The following DGKB variants were observed in gnomAD, a reference collection of about 807,000 sequenced individuals.
DGKB encodes 90 kDa diacylglycerol kinase.
A neutral mutation model predicts 114.3 loss-of-function variants in DGKB; 67 were observed. The observed-to-expected ratio is 0.59, with a 90% CI of 0.48 to 0.72. The LOEUF (loss-of-function observed/expected upper bound fraction) is 0.72, where lower values mean the gene tolerates loss of function less well. DGKB is among the 30% of genes least tolerant of loss of function. The pLI is 0.00. For missense variants in DGKB, 907 were observed against 975.2 expected (o/e 0.93, Z 0.93); for synonymous variants, 398 against 323.1 (o/e 1.23, Z -2.49).
chr7:14,287,282 C>T (rs781252415), intron 23 of DGKB, among the ~76,000 whole-genome samples: 2 of 152,064 alleles, frequency 1.3e-5, no homozygotes, highest in Admixed American at 6.6e-5. Context: ...GATCCCTCTA[C>T]CATCTGTCCT....
upstream of DGKB, among the ~76,000 whole-genome samples, chr7:14,903,855 C>A (rs1439440033): frequency 6.6e-6 from 1 of 152,114 alleles, no homozygotes; most frequent in Admixed American, 6.5e-5. Flanking sequence ...AAGCAGTGTG[C>A]TTACCAGCTT....
chr7:14,191,766 C>T, intron 23 of DGKB: 1 of 336,334 alleles, frequency 3.0e-6, no homozygotes. Context: ...AATGACCCAC[C>T]AATGGAAACA....
At chr7:14,497,476 C>T (rs1193870767) in intron 20 of DGKB, among the ~76,000 whole-genome samples, 1 of 151,722 alleles carries the variant, frequency 6.6e-6, no homozygotes, top group Non-Finnish European at 1.5e-5. Context: ...AAGTCCATCC[C>T]CCCATATCAT....
intron 25 of DGKB, among the ~76,000 whole-genome samples, chr7:14,151,303 T>C (rs1476573811): frequency 1.3e-5 from 2 of 152,018 alleles, no homozygotes; most frequent in Non-Finnish European, 1.5e-5. Context: ...GAAAGAAATA[T>C]ATCTTCCTAG....
intron 23 of DGKB, among the ~76,000 whole-genome samples, chr7:14,298,171 C>A (rs1368992880): frequency 6.6e-6 from 1 of 152,178 alleles, no homozygotes; most frequent in Non-Finnish European, 1.5e-5. Context: ...CACCAAGCTA[C>A]CATTGACTTT....
At chr7:14,197,626 G>T (rs899461987) in intron 23 of DGKB, among the ~76,000 whole-genome samples, 1 of 152,112 alleles carries the variant, frequency 6.6e-6, no homozygotes, top group African/African-American at 2.4e-5. Flanking sequence ...GAATTTTAAT[G>T]TGTTTGGACT....
chr7:14,362,185 T>A (rs1300358030), intron 21 of DGKB, among the ~76,000 whole-genome samples: 1 of 152,088 alleles, frequency 6.6e-6, no homozygotes, highest in Non-Finnish European at 1.5e-5. Flanking sequence ...GGTGATCAAA[T>A]GTTCATAAAA....
At chr7:14,432,367 C>T (rs1031677447) in intron 21 of DGKB, among the ~76,000 whole-genome samples, 1 of 152,142 alleles carries the variant, frequency 6.6e-6, no homozygotes, top group Admixed American at 6.6e-5. Flanking sequence ...CATCATCACT[C>T]CCTCCGTGCA....
chr7:14,440,318 G>A (rs1829901959), intron 21 of DGKB, among the ~76,000 whole-genome samples: 1 of 152,074 alleles, frequency 6.6e-6, no homozygotes, highest in Non-Finnish European at 1.5e-5. Context: ...GCTTTCATGA[G>A]AACAGTTTGC....
chr7:14,180,400 T>C (rs969117041), intron 23 of DGKB, among the ~76,000 whole-genome samples: 2 of 152,196 alleles, frequency 1.3e-5, no homozygotes, highest in African/African-American at 4.8e-5. Flanking sequence ...TTTTAATTTG[T>C]CTTTGTTTTT....
intron 1 of DGKB, among the ~76,000 whole-genome samples, chr7:14,866,897 T>C (rs62451480): frequency 0.14 from 21,051 of 152,180 alleles, 1,521 homozygotes; most frequent in South Asian, 0.21. Context: ...CGTTTGATGT[T>C]GTCAGTGTTC....
At chr7:14,896,849 C>A (rs1265000398) in intron 1 of DGKB, among the ~76,000 whole-genome samples, 3 of 151,808 alleles carry the variant, frequency 2.0e-5, no homozygotes, top group African/African-American at 4.8e-5. Context: ...AATAAAACTT[C>A]TTTTCATATT....
intron 8 of DGKB, among the ~76,000 whole-genome samples, chr7:14,695,760 G>A (rs182211557): frequency 1.3e-5 from 2 of 151,816 alleles, no homozygotes; most frequent in African/African-American, 2.4e-5. Flanking sequence ...ACCTGCCTCG[G>A]CCTCCCAAAG....
chr7:14,809,276 C>T (rs920431073), intron 2 of DGKB, among the ~76,000 whole-genome samples: 3 of 152,068 alleles, frequency 2.0e-5, no homozygotes, highest in African/African-American at 7.2e-5. Flanking sequence ...AACTACTCAC[C>T]TGGTAGCACT....
At chr7:14,234,113 A>T (rs1414351794) in intron 23 of DGKB, among the ~76,000 whole-genome samples, 2 of 152,018 alleles carry the variant, frequency 1.3e-5, no homozygotes, top group East Asian at 3.9e-4. Flanking sequence ...CCTCCTTGGG[A>T]TGAAACTGTC....
At chr7:14,901,159 A>C (rs1782992452) in intron 1 of DGKB, among the ~76,000 whole-genome samples, 1 of 152,208 alleles carries the variant, frequency 6.6e-6, no homozygotes, top group African/African-American at 2.4e-5. Flanking sequence ...ACAATGCCAA[A>C]AAATATTAAG....
chr7:14,178,838 A>T (rs140616408), intron 23 of DGKB, among the ~76,000 whole-genome samples: 237 of 152,116 alleles, frequency 1.6e-3, no homozygotes, highest in African/African-American at 5.2e-3. Context: ...GAAGACATTA[A>T]AAAGGGGCTA....
chr7:14,350,502 G>A (rs1813251311), intron 21 of DGKB, among the ~76,000 whole-genome samples: 1 of 151,972 alleles, frequency 6.6e-6, no homozygotes, highest in Non-Finnish European at 1.5e-5. Context: ...GCAACATACA[G>A]AGGGCGATGA....
chr7:14,419,125 C>A (rs1170255663), intron 21 of DGKB, among the ~76,000 whole-genome samples: 1 of 151,764 alleles, frequency 6.6e-6, no homozygotes. Flanking sequence ...TAAAAAAATT[C>A]TTTACACAAT....
Sources: allele counts gnomAD v4.1 joint callset (sites outside exome capture counted in the v4.1 genomes callset), GRCh38; gene constraint gnomAD v4.1.1; transcripts MANE v1.5; gene names NCBI Gene and HGNC (gene_info 2026-07-23, HGNC 2026-07-21).